FCHO2: variants seen among roughly 807,000 people sequenced by gnomAD.
FCHO2 encodes the protein FCH and mu domain containing endocytic adaptor 2, also known as F-BAR domain only protein 2.
A neutral mutation model predicts 114.1 loss-of-function variants in FCHO2; 43 were observed. That is an observed-to-expected ratio of 0.38 (90% CI 0.30 to 0.49). The LOEUF is 0.49. Ranked by LOEUF, FCHO2 falls within the 20% of genes least tolerant of loss-of-function variation. FCHO2 has a pLI of 0.97. For missense variants in FCHO2, 807 were observed against 950.4 expected, an observed-to-expected ratio of 0.85 and a Z score of 1.98; for synonymous variants, 293 against 315.2, an observed-to-expected ratio of 0.93 and a Z score of 0.75.
In FCHO2 at chr5:73,041,281, G is replaced by T. The variant is rs1301541826; in HGVS notation, c.915-10G>T. ...AATTATTGAGTATTTCTGATATTTTGTTTTAATAGGGAATGTCCTGATGCA... is the reference window on the plus strand; with the variant it reads ...AATTATTGAGTATTTCTGATATTTTTTTTTAATAGGGAATGTCCTGATGCA... On this transcript the variant is annotated splice_polypyrimidine_tract_variant and intron_variant, in intron 10 of 25. Transcript: ENST00000430046. 6.8e-7 allele frequency: 1 copy of T among 1,471,598 alleles called. No homozygotes were observed. The highest frequency in any genetic ancestry group is 1.2e-5 in the South Asian group (1 of 86,258). 91.2% of individuals were successfully genotyped at this position (1,471,598 alleles called of 1,614,324 possible). A position where few individuals can be genotyped will look rare whatever the true frequency, so the allele number is the denominator to read the frequency against.
At chr5:73,054,280 GTGTTT>G in intron 14 of FCHO2, 109 bp downstream of exon 14, 2 of 1,022,482 alleles carry the variant, frequency 2.0e-6, no homozygotes, top group South Asian at 1.7e-5. Flanking sequence ...GCAAGTTTTA[GTGTTT>G]TGTTGTAGAT....
chr5:73,088,231 C>T lies in FCHO2; in HGVS notation c.*141C>T, dbSNP rs1743374881. The T allele has an allele frequency of 9.2e-7, 1 of 1,088,176 alleles. No individual in the cohort carries two copies. The highest frequency in any genetic ancestry group is 1.4e-6 in the Non-Finnish European group (1 of 739,992). 67.4% of individuals were successfully genotyped at this position (1,088,176 alleles called of 1,614,324 possible). The stretch of plus-strand genomic sequence containing the variant: ...AGAGCTGACTACAAACATTAAATCG[C>T]ACTTTTAAAGTGAGTCATTGAAATA... On this transcript the variant is annotated 3_prime_UTR_variant, in exon 26 of 26. Coordinates refer to ENST00000430046, the MANE Select transcript of FCHO2 (RefSeq NM_138782.3).
At chr5:73,019,394 T>C (rs1755485290) in intron 8 of FCHO2, among the ~76,000 whole-genome samples, 1 of 151,640 alleles carries the variant, frequency 6.6e-6, no homozygotes, top group South Asian at 2.1e-4. Flanking sequence ...ATACAAAAAT[T>C]AGCCAGGTTT....
At chr5:73,025,873 TTC>T (rs1755889322) in intron 8 of FCHO2, among the ~76,000 whole-genome samples, 1 of 152,244 alleles carries the variant, frequency 6.6e-6, no homozygotes. Context: ...TACTATTGAT[TTC>T]TGTTAACATT....
At chr5:73,065,183 G>A (rs1242422074) in intron 18 of FCHO2, among the ~76,000 whole-genome samples, 1 of 152,006 alleles carries the variant, frequency 6.6e-6, no homozygotes, top group Admixed American at 6.6e-5. Flanking sequence ...AAGCTGCCAA[G>A]GAGAAGGTTA....
intron 8 of FCHO2, among the ~76,000 whole-genome samples, chr5:73,026,658 G>T (rs1755938455): frequency 6.6e-6 from 1 of 151,888 alleles, no homozygotes; most frequent in Non-Finnish European, 1.5e-5. Flanking sequence ...ATTACTTATT[G>T]TATGTACTGA....
In FCHO2 at chr5:72,996,135, C is replaced by T. The variant is rs530389466; in HGVS notation, c.495+5271C>T. Among the ~76,000 whole-genome samples, 46 of 150,192 alleles carry T rather than the reference C, an allele frequency of 3.1e-4. 1 individual carries two copies. The South Asian group carries it at 8.8e-3, about 29-fold the overall frequency. On this transcript the variant is annotated intron_variant, in intron 5 of 25. Coordinates refer to ENST00000430046, the MANE Select transcript of FCHO2 (RefSeq NM_138782.3). ...GCGGGCGCTTGTAATCCCAGCTACT[C>T]GGGAGGCTAAGGCAGGAGAATCACT...
chr5:73,087,596 G>A lies in FCHO2; in HGVS notation c.2253G>A (p.Gly751=). 3.7e-6 allele frequency: 6 copies of A among 1,613,592 alleles called. No homozygotes were observed. The Middle Eastern group carries it at 8.3e-4, about 222-fold the overall frequency. The change falls in exon 25 of 26, where the codon GGG becomes GGA. Residue 751 remains glycine, a synonymous_variant. Transcript: ENST00000430046. The part of the protein sequence containing the change: ...ISEKSENGGS[G]SLRAKFDLSE... ...TTATTCTTTTCTTTGTAGGTTCTGG[G>A]TCCCTCCGAGCAAAATTTGATCTTT...
At chr5:73,017,441 A>C (rs906471139) in intron 8 of FCHO2, 133 bp downstream of exon 8, 1 of 505,072 alleles carries the variant, frequency 2.0e-6, no homozygotes, top group Non-Finnish European at 3.3e-6. Flanking sequence ...AAATATTTCC[A>C]AACTGTGAAA....
intron 8 of FCHO2, among the ~76,000 whole-genome samples, chr5:73,030,380 T>G (rs534193555): frequency 2.0e-5 from 3 of 152,346 alleles, no homozygotes; most frequent in East Asian, 1.9e-4. Flanking sequence ...GATACCACTA[T>G]ATTTTAAAAC....
chr5:73,078,547 G>A (rs1391709779), intron 22 of FCHO2, among the ~76,000 whole-genome samples: 1 of 152,090 alleles, frequency 6.6e-6, no homozygotes, highest in Non-Finnish European at 1.5e-5. Context: ...TTGTCCTTAA[G>A]CTGAAAAGAC....
intron 2 of FCHO2, among the ~76,000 whole-genome samples, chr5:72,981,774 A>G (rs1335645850): frequency 6.6e-6 from 1 of 152,118 alleles, no homozygotes; most frequent in African/African-American, 2.4e-5. Context: ...CAAAGTTCTC[A>G]TGCTGTGTTT....
chr5:73,007,412 C>T (rs1754776046), intron 6 of FCHO2, among the ~76,000 whole-genome samples: 1 of 152,118 alleles, frequency 6.6e-6, no homozygotes, highest in Non-Finnish European at 1.5e-5. Context: ...TTTTTCTCCA[C>T]TAAAATTTAA....
At chr5:73,021,625 T>G (rs1325086631) in intron 8 of FCHO2, among the ~76,000 whole-genome samples, 1 of 152,174 alleles carries the variant, frequency 6.6e-6, no homozygotes, top group African/African-American at 2.4e-5. Context: ...TCTTTCTCCA[T>G]CAAAAGTGCC....
intron 8 of FCHO2, among the ~76,000 whole-genome samples, chr5:73,030,489 T>C (rs1173565686): frequency 6.6e-6 from 1 of 152,218 alleles, no homozygotes; most frequent in East Asian, 1.9e-4. Context: ...CCTATCCCAG[T>C]CCTACTGAAT....
intron 5 of FCHO2, among the ~76,000 whole-genome samples, chr5:72,991,152 C>T (rs1389181819): frequency 2.0e-5 from 3 of 152,158 alleles, no homozygotes; most frequent in African/African-American, 7.2e-5. Context: ...GCAGCCTCTG[C>T]CTCCTGGGTT....
At chr5:72,982,826 ATTTTTTTTTTT>A (rs36075860) in intron 2 of FCHO2, among the ~76,000 whole-genome samples, 1 of 108,176 alleles carries the variant, frequency 9.2e-6, no homozygotes, top group East Asian at 2.6e-4. Flanking sequence ...GTCTGGATTC[ATTTTTTTTTTT>A]TTTTTTTTTG....
chr5:72,961,662 T>C (rs1228976476), intron 1 of FCHO2, among the ~76,000 whole-genome samples: 3 of 151,914 alleles, frequency 2.0e-5, no homozygotes, highest in African/African-American at 7.3e-5. Context: ...TGGCGCGATC[T>C]CAGCTCGCTG....
chr5:72,960,230 T>A (rs946944470), intron 1 of FCHO2, among the ~76,000 whole-genome samples: 2 of 152,256 alleles, frequency 1.3e-5, no homozygotes, highest in Non-Finnish European at 2.9e-5. Flanking sequence ...ACATTCTTCC[T>A]TTTTCTTTAA....
Sources: allele counts gnomAD v4.1 joint callset (sites outside exome capture counted in the v4.1 genomes callset), GRCh38; gene constraint gnomAD v4.1.1; transcripts MANE v1.5; gene names NCBI Gene and HGNC (gene_info 2026-07-23, HGNC 2026-07-21).